Variants in PTPRN2 observed in about 807,000 individuals in gnomAD.
The protein encoded by PTPRN2 is protein tyrosine phosphatase receptor type N2, also known as receptor-type tyrosine-protein phosphatase N2.
Under a neutral mutation model 118.8 loss-of-function variants are expected in PTPRN2, and 74 were observed. The ratio of observed to expected loss-of-function variants is 0.62; its 90% confidence interval spans 0.52 to 0.76. The LOEUF is 0.76. PTPRN2 is among the 30% of genes least tolerant of loss of function. PTPRN2 has a pLI of 0.00. For missense variants in PTPRN2, 1,481 were observed against 1,394.4 expected (o/e 1.06, Z -0.99); for synonymous variants, 641 against 608.0 (o/e 1.05, Z -0.80).
intron 6 of PTPRN2, among the ~76,000 whole-genome samples, chr7:158,154,893 A>G (rs1821560699): frequency 1.3e-5 from 2 of 152,220 alleles, no homozygotes; most frequent in Non-Finnish European, 2.9e-5. Context: ...GAGTTATCTC[A>G]GAAGCATCCA....
chr7:158,262,878 C>A (rs1797582327), intron 3 of PTPRN2, among the ~76,000 whole-genome samples: 1 of 143,008 alleles, frequency 7.0e-6, no homozygotes, highest in Admixed American at 7.1e-5. Context: ...ACACACTGCA[C>A]ACACATACAT....
At chr7:157,593,321 G>A (rs1194443322) in intron 17 of PTPRN2, among the ~76,000 whole-genome samples, 1 of 152,160 alleles carries the variant, frequency 6.6e-6, no homozygotes, top group Non-Finnish European at 1.5e-5. Context: ...AACAGAGGGT[G>A]GATGTGGGCA....
chr7:157,896,895 C>T (rs1308083311), intron 12 of PTPRN2, among the ~76,000 whole-genome samples: 1 of 152,126 alleles, frequency 6.6e-6, no homozygotes, highest in Non-Finnish European at 1.5e-5. Flanking sequence ...CACTTGTCAC[C>T]TCCCAGATGA....
chr7:158,281,034 T>A (rs558232324), intron 3 of PTPRN2, among the ~76,000 whole-genome samples: 1 of 152,370 alleles, frequency 6.6e-6, no homozygotes, highest in East Asian at 1.9e-4. Context: ...CTGGGCGCAG[T>A]GGCTCACGCC....
At chr7:158,471,384 G>A (rs1169473368) in intron 2 of PTPRN2, among the ~76,000 whole-genome samples, 1 of 152,092 alleles carries the variant, frequency 6.6e-6, no homozygotes, top group Admixed American at 6.6e-5. Context: ...CTAATTCTGA[G>A]GACAAGTTTA....
intron 2 of PTPRN2, among the ~76,000 whole-genome samples, chr7:158,327,380 C>T (rs76730847): frequency 0.02 from 3,059 of 150,332 alleles, 114 homozygotes; most frequent in African/African-American, 0.07. Flanking sequence ...CACACATTAT[C>T]ACATGCACAC....
intron 1 of PTPRN2, among the ~76,000 whole-genome samples, chr7:158,569,650 G>A (rs1312584680): frequency 1.3e-5 from 2 of 151,338 alleles, no homozygotes; most frequent in Admixed American, 6.6e-5. Context: ...ACAAGAACGC[G>A]GGGCGCGAGG....
intron 12 of PTPRN2, among the ~76,000 whole-genome samples, chr7:157,705,549 A>G (rs1276188131): frequency 2.6e-5 from 4 of 152,144 alleles, no homozygotes; most frequent in Non-Finnish European, 5.9e-5. Flanking sequence ...AATGCTGGGA[A>G]TTGAGTGAAT....
intron 2 of PTPRN2, among the ~76,000 whole-genome samples, chr7:158,320,518 GCGC>G (rs1802916339): frequency 5.2e-5 from 3 of 57,382 alleles, no homozygotes; most frequent in Non-Finnish European, 1.2e-4. Flanking sequence ...ATCCTCAGCA[GCGC>G]CAGGTGGCGT....
At chr7:157,582,649 G>A (rs958176682) in intron 17 of PTPRN2, among the ~76,000 whole-genome samples, 2 of 152,246 alleles carry the variant, frequency 1.3e-5, no homozygotes, top group Non-Finnish European at 2.9e-5. Flanking sequence ...GCCGAGGCAG[G>A]TGGATCACGA....
intron 2 of PTPRN2, among the ~76,000 whole-genome samples, chr7:158,350,938 C>T (rs1392266961): frequency 2.0e-5 from 3 of 152,216 alleles, no homozygotes; most frequent in Non-Finnish European, 4.4e-5. Flanking sequence ...TCTCCCCCAG[C>T]GTTTCCAAAT....
chr7:158,046,660 T>G (rs1351822244), intron 11 of PTPRN2, among the ~76,000 whole-genome samples: 1 of 152,216 alleles, frequency 6.6e-6, no homozygotes, highest in Admixed American at 6.5e-5. Flanking sequence ...TTTAAAATAC[T>G]GTGGCTGCAG....
At chr7:158,341,635 C>CG in intron 2 of PTPRN2, among the ~76,000 whole-genome samples, 1 of 49,054 alleles carries the variant, frequency 2.0e-5, no homozygotes, top group Non-Finnish European at 4.3e-5. Flanking sequence ...TAAGAGGTAA[C>CG]ACATGCAGAC....
intron 13 of PTPRN2, among the ~76,000 whole-genome samples, chr7:157,673,096 T>C (rs958712108): frequency 6.6e-6 from 1 of 152,196 alleles, no homozygotes; most frequent in African/African-American, 2.4e-5. Context: ...TGATTTCGGC[T>C]CACCGCAACG....
intron 21 of PTPRN2, among the ~76,000 whole-genome samples, chr7:157,553,210 G>A (rs1798718750): frequency 6.6e-6 from 1 of 152,210 alleles, no homozygotes; most frequent in South Asian, 2.1e-4. Context: ...TCTCCGTTAG[G>A]TGGCTTTAGG....
intron 5 of PTPRN2, among the ~76,000 whole-genome samples, chr7:158,190,177 T>C (rs964131291): frequency 6.6e-6 from 1 of 152,120 alleles, no homozygotes; most frequent in African/African-American, 2.4e-5. Context: ...TCATGACACC[T>C]CCAGGGCCAC....
At chr7:157,863,415 C>T (rs959583979) in intron 12 of PTPRN2, 2 of 152,236 alleles carry the variant, frequency 1.3e-5, no homozygotes, top group Non-Finnish European at 2.9e-5. Context: ...TCTCAGAGAC[C>T]TCTGCCAGGG....
intron 3 of PTPRN2, among the ~76,000 whole-genome samples, chr7:158,282,938 T>A (rs1256031752): frequency 2.1e-5 from 3 of 144,954 alleles, no homozygotes; most frequent in Non-Finnish European, 4.5e-5. Context: ...TAGACGGTGG[T>A]CCCTCCTCGT....
At chr7:158,400,491 G>A (rs927054482) in intron 2 of PTPRN2, among the ~76,000 whole-genome samples, 2 of 152,162 alleles carry the variant, frequency 1.3e-5, no homozygotes, top group African/African-American at 4.8e-5. Flanking sequence ...CTTTATGGTG[G>A]CTCAAGCCCA....
Sources: gnomAD v4.1 joint callset for allele counts (sites outside exome capture counted in the v4.1 genomes callset) on GRCh38, gnomAD v4.1.1 for gene constraint, MANE v1.5 for transcripts, NCBI Gene and HGNC (gene_info 2026-07-23, HGNC 2026-07-21) for gene names.